Variants in GRID2 observed in about 807,000 individuals in gnomAD.
The protein encoded by GRID2 is glutamate ionotropic receptor delta type subunit 2.
A neutral mutation model predicts 114.8 loss-of-function variants in GRID2; 33 were observed. The observed-to-expected ratio is 0.29, with a 90% confidence interval of 0.22 to 0.38. The LOEUF (loss-of-function observed/expected upper bound fraction) is 0.38, where lower values mean the gene tolerates loss of function less well. Among genes scored for constraint, GRID2 ranks in the 10% least tolerant of loss-of-function variants. The pLI, the probability that GRID2 is intolerant of heterozygous loss-of-function variation, is 1.00. For missense variants in GRID2, 1,184 were observed against 1,257.7 expected, an observed-to-expected ratio of 0.94 and a Z score of 0.89; for synonymous variants, 505 against 449.9, an observed-to-expected ratio of 1.12 and a Z score of -1.55.
At chr4:92,968,429 C>G (rs1235101418) in intron 2 of GRID2, among the ~76,000 whole-genome samples, 1 of 151,804 alleles carries the variant, frequency 6.6e-6, no homozygotes, top group Admixed American at 6.6e-5. Flanking sequence ...AGTGTTGAAC[C>G]TCAAAGCCAA....
chr4:92,712,262 C>T (rs1283709948), intron 2 of GRID2, among the ~76,000 whole-genome samples: 1 of 151,864 alleles, frequency 6.6e-6, no homozygotes, highest in Non-Finnish European at 1.5e-5. Context: ...TTATGTTAAT[C>T]TTTGAAGGTA....
intron 2 of GRID2, among the ~76,000 whole-genome samples, chr4:92,720,601 G>A (rs910512984): frequency 6.6e-6 from 1 of 152,014 alleles, no homozygotes; most frequent in Non-Finnish European, 1.5e-5. Flanking sequence ...TCTATACCAT[G>A]TGATTATTAA....
intron 6 of GRID2, among the ~76,000 whole-genome samples, chr4:93,223,155 T>C (rs1336786040): frequency 6.6e-6 from 1 of 152,148 alleles, no homozygotes; most frequent in Non-Finnish European, 1.5e-5. Flanking sequence ...ATTCATGGAC[T>C]AGTTTTAGCT....
At position 92,740,702 on chromosome 4, in the gene GRID2, A is replaced by AGAT. The variant is rs1022586608; in HGVS notation, c.244+150417_244+150419dup. Among the ~76,000 whole-genome samples, 7 of 72,382 alleles carry AGAT rather than the reference A, an allele frequency of 9.7e-5. No individual in the cohort carries two copies. In the East Asian group the frequency reaches 3.1e-3, roughly 32 times the overall value. The allele number at this position is 72,382 out of a possible 152,430, so 47.5% of individuals were successfully genotyped here. ...ATAGATAGATAGATGATAGATAGAT[A>AGAT]GATAGATAGATAGATAGATAGATAG... On this transcript the variant is annotated intron_variant, in intron 2 of 15. Transcript: ENST00000282020.
intron 7 of GRID2, among the ~76,000 whole-genome samples, chr4:93,227,592 T>A (rs1422506168): frequency 6.6e-6 from 1 of 152,214 alleles, no homozygotes; most frequent in Non-Finnish European, 1.5e-5. Context: ...TGTCTGCTTC[T>A]GTCTTTAATA....
intron 1 of GRID2, among the ~76,000 whole-genome samples, chr4:92,537,784 G>GGTGTGTGTGT (rs70942907): frequency 2.0e-3 from 250 of 125,990 alleles, no homozygotes; most frequent in African/African-American, 2.6e-3. Context: ...AAAAACTTGC[G>GGTGTGTGTGT]GTGTGTGTGT....
intron 14 of GRID2, among the ~76,000 whole-genome samples, chr4:93,688,760 A>G (rs1448281148): frequency 6.6e-6 from 1 of 152,084 alleles, no homozygotes; most frequent in Non-Finnish European, 1.5e-5. Flanking sequence ...AACCATCACA[A>G]TAACATTATA....
intron 13 of GRID2, among the ~76,000 whole-genome samples, chr4:93,553,778 T>C (rs1734020129): frequency 6.6e-6 from 1 of 152,176 alleles, no homozygotes; most frequent in Admixed American, 6.5e-5. Context: ...AATCGGAAAT[T>C]AGTTTAGCAT....
intron 2 of GRID2, among the ~76,000 whole-genome samples, chr4:92,957,069 C>A (rs1350341825): frequency 1.3e-5 from 2 of 151,984 alleles, no homozygotes; most frequent in Non-Finnish European, 2.9e-5. Context: ...TCAGATATGT[C>A]TTTTGCACGT....
At chr4:93,533,294 C>T (rs150098833) in intron 13 of GRID2, among the ~76,000 whole-genome samples, 63 of 105,852 alleles carry the variant, frequency 6.0e-4, no homozygotes, top group East Asian at 1.2e-3. Flanking sequence ...TCCTTCCTTC[C>T]TTCCTTCCTT....
At chr4:92,388,321 C>A (rs918881442) in intron 1 of GRID2, among the ~76,000 whole-genome samples, 2 of 151,992 alleles carry the variant, frequency 1.3e-5, no homozygotes, top group African/African-American at 4.8e-5. Context: ...TAATATTTTG[C>A]ATGCAGTTGC....
At chr4:93,339,617 T>G (rs1285718049) in intron 8 of GRID2, among the ~76,000 whole-genome samples, 1 of 152,164 alleles carries the variant, frequency 6.6e-6, no homozygotes, top group East Asian at 1.9e-4. Context: ...GGTACTTTGT[T>G]ATAACAGCCC....
At chr4:93,558,451 A>G (rs568901785) in intron 13 of GRID2, among the ~76,000 whole-genome samples, 36 of 152,354 alleles carry the variant, frequency 2.4e-4, no homozygotes, top group Admixed American at 9.1e-4. Context: ...AGAGAATACT[A>G]TGCACACCTC....
intron 2 of GRID2, among the ~76,000 whole-genome samples, chr4:92,697,857 G>A (rs1284236359): frequency 6.6e-6 from 1 of 152,104 alleles, no homozygotes; most frequent in African/African-American, 2.4e-5. Flanking sequence ...TCAATGGAGT[G>A]TATCAGGAAG....
chr4:93,291,340 G>A (rs1382426583), intron 8 of GRID2, among the ~76,000 whole-genome samples: 1 of 152,132 alleles, frequency 6.6e-6, no homozygotes, highest in Non-Finnish European at 1.5e-5. Context: ...ATTTTGCCAT[G>A]TAATAGGGGT....
chr4:93,307,913 A>G (rs890091047), intron 8 of GRID2, among the ~76,000 whole-genome samples: 4 of 151,850 alleles, frequency 2.6e-5, no homozygotes, highest in African/African-American at 9.7e-5. Context: ...ACACAAATAC[A>G]TACCTATTGT....
chr4:92,940,602 A>G (rs1244493763), intron 2 of GRID2, among the ~76,000 whole-genome samples: 2 of 152,030 alleles, frequency 1.3e-5, no homozygotes, highest in Admixed American at 6.6e-5. Context: ...TTCCAACACT[A>G]TTTTGAATAG....
chr4:92,684,663 C>T (rs543364280), intron 2 of GRID2, among the ~76,000 whole-genome samples: 2 of 152,132 alleles, frequency 1.3e-5, no homozygotes, highest in African/African-American at 2.4e-5. Flanking sequence ...CAGGATTTAA[C>T]TACTAATGTC....
intron 1 of GRID2, among the ~76,000 whole-genome samples, chr4:92,564,188 G>T (rs879275138): frequency 1.2e-4 from 18 of 151,832 alleles, no homozygotes; most frequent in Non-Finnish European, 2.9e-5. Context: ...TAATACTTAG[G>T]TTTCATCCAT....
Sources: allele counts gnomAD v4.1 joint callset (sites outside exome capture counted in the v4.1 genomes callset), GRCh38; gene constraint gnomAD v4.1.1; transcripts MANE v1.5; gene names NCBI Gene and HGNC (gene_info 2026-07-23, HGNC 2026-07-21).